PRKDC: variants seen among roughly 807,000 people sequenced by gnomAD.
PRKDC encodes DNA-dependent protein kinase catalytic subunit.
A neutral mutation model predicts 486.9 loss-of-function variants in PRKDC; 82 were observed. The observed-to-expected ratio is 0.17, with a 90% confidence interval of 0.14 to 0.20. The LOEUF (loss-of-function observed/expected upper bound fraction) is 0.20. Ranked by LOEUF, PRKDC falls within the 10% of genes least tolerant of loss-of-function variation. The pLI is 1.00. For missense variants in PRKDC, 4,504 were observed against 5,038.2 expected (o/e 0.89, Z 3.21); for synonymous variants, 1,895 against 1,837.0 (o/e 1.03, Z -0.81).
chr8:47,797,014 T>C (rs149846044), intron 73 of PRKDC, among the ~76,000 whole-genome samples: 1,627 of 152,342 alleles, frequency 0.011, 8 homozygotes, highest in Non-Finnish European at 0.016. Context: ...TGTGTTCACA[T>C]TTTCCTCTGA....
rs184085040 is a variant in PRKDC at position 47,836,188 on chromosome 8, C to T, written c.7951+150G>A. On this transcript the variant is annotated intron_variant, in intron 58 of 85. Transcript: ENST00000314191. ...CATGAGTTTGACTGTTATAGGAACC[C>T]CCTCTTTTGAATGACATCTTCCTTG... The T allele has an allele frequency of 4.6e-5, 36 of 787,352 alleles. No homozygotes were observed. The East Asian group carries it at 8.0e-4, about 17-fold the overall frequency. 48.8% of individuals were successfully genotyped at this position (787,352 alleles called of 1,614,324 possible).
intron 4 of PRKDC, 78 bp downstream of exon 4, chr8:47,955,796 A>G: frequency 8.2e-7 from 1 of 1,214,896 alleles, no homozygotes; most frequent in African/African-American, 1.5e-5. Flanking sequence ...CATCACCCAA[A>G]ACACAACTCA....
intron 21 of PRKDC, among the ~76,000 whole-genome samples, chr8:47,925,672 A>C (rs1453165291): frequency 6.6e-6 from 1 of 152,178 alleles, no homozygotes; most frequent in Non-Finnish European, 1.5e-5. Context: ...GAATGTCCTC[A>C]CTCTTAAGAA....
chr8:47,883,014 C>T (rs766713913), intron 36 of PRKDC, among the ~76,000 whole-genome samples: 5 of 152,230 alleles, frequency 3.3e-5, no homozygotes, highest in Non-Finnish European at 5.9e-5. Flanking sequence ...GGGCCATCCA[C>T]GCCTCTGTGC....
At chr8:47,779,243 C>T (rs1216879645) in intron 80 of PRKDC, 150 bp from the exon 81 acceptor site, 10 of 569,908 alleles carry the variant, frequency 1.8e-5, no homozygotes, top group Non-Finnish European at 3.0e-5. Flanking sequence ...TAACATTGAA[C>T]CCACATTACT....
chr8:47,955,499 A>G (rs1589819309), intron 4 of PRKDC, among the ~76,000 whole-genome samples: 1 of 151,310 alleles, frequency 6.6e-6, no homozygotes, highest in African/African-American at 2.4e-5. Context: ...AAAACATATG[A>G]ACTCTTTCCC....
chr8:47,907,103 C>T (rs1371084494), intron 25 of PRKDC, among the ~76,000 whole-genome samples: 2 of 150,962 alleles, frequency 1.3e-5, no homozygotes, highest in African/African-American at 4.8e-5. Flanking sequence ...CAGTGGCGCG[C>T]AGTCTCTGCT....
At chr8:47,839,990 A>C in intron 55 of PRKDC, 26 bp downstream of exon 55, 3 of 1,498,312 alleles carry the variant, frequency 2.0e-6, no homozygotes, top group Non-Finnish European at 2.7e-6. Context: ...AAAGTAACAA[A>C]ATAAAATAGT....
At position 47,908,633 on chromosome 8, in the gene PRKDC, A is replaced by T. The variant is rs111943034; in HGVS notation, c.2935-3657T>A. 9.1e-3 allele frequency among the ~76,000 whole-genome samples: 1,381 copies of T among 152,308 alleles called. 9 individuals carry two copies. The highest frequency in any genetic ancestry group is 0.015 in the Non-Finnish European group (1,005 of 68,028). ...TTAACAAAACATCTATGCACATGTC[A>T]AGATGTGTTATTATAAAGACATTCT... On this transcript the variant is annotated intron_variant, in intron 25 of 85. Coordinates refer to ENST00000314191, the MANE Select transcript of PRKDC (RefSeq NM_006904.7).
intron 15 of PRKDC, 48 bp from the exon 16 acceptor site, chr8:47,933,220 T>A: frequency 1.4e-6 from 2 of 1,382,202 alleles, no homozygotes; most frequent in Non-Finnish European, 1.9e-6. Flanking sequence ...TGCAAAAATG[T>A]ATTAGTATTT....
chr8:47,858,969 C>G lies in PRKDC; in HGVS notation c.6225G>C (p.Thr2075=), dbSNP rs764734598. The G allele has an allele frequency of 6.2e-7, 1 of 1,613,036 alleles. No homozygotes were observed. Among genetic ancestry groups the G allele is most frequent in the South Asian group, 1.1e-5 (1 of 91,078 alleles). The change falls in exon 47 of 86, where the codon ACG becomes ACC. Residue 2075 remains threonine (T), a synonymous_variant. Transcript: ENST00000314191. ...RFRRREQRDP[T]VHDDVLELEM... is the part of the protein sequence containing the mutation. The stretch of plus-strand genomic sequence containing the variant: ...CCAGCTCCAGCACATCATCATGCAC[C>G]GTGGGGTCCCGCTGCTCCTGCGAAA...
At chr8:47,927,173 C>A in intron 21 of PRKDC, 21 bp downstream of exon 21, 1 of 1,607,522 alleles carries the variant, frequency 6.2e-7, no homozygotes, top group Non-Finnish European at 8.5e-7. Flanking sequence ...CAATACACAT[C>A]ACAATTCTTC....
rs1342379775 is a variant in PRKDC, at chr8:47,864,607, G to A, written c.5520C>T (p.Phe1840=). The A allele has an allele frequency of 1.2e-6, 2 of 1,610,234 alleles. No individual in the cohort carries two copies. Among genetic ancestry groups the A allele is most frequent in the Admixed American group, 3.4e-5 (2 of 59,504 alleles). ...CAATGGCATCCACCACAATTGTGCT[G>A]AAGAATTCTCTCAAAGCATCCAGGC... ...HCSLDALREF[F]STIVVDAIDV... Residue 1840 remains phenylalanine (F), a synonymous_variant, in exon 41 of 86, where the codon TTC becomes TTT. Coordinates refer to ENST00000314191, the MANE Select transcript of PRKDC (RefSeq NM_006904.7).
At chr8:47,854,439 C>T (rs978355600) in intron 50 of PRKDC, among the ~76,000 whole-genome samples, 4 of 152,080 alleles carry the variant, frequency 2.6e-5, no homozygotes, top group African/African-American at 4.8e-5. Flanking sequence ...CCTGGGTTCA[C>T]GCCATTCTCC....
At chr8:47,942,767 A>G (rs8178009) in intron 10 of PRKDC, among the ~76,000 whole-genome samples, 2,127 of 152,324 alleles carry the variant, frequency 0.014, 37 homozygotes, top group African/African-American at 0.04. Flanking sequence ...ATACGCAGGT[A>G]CAGATTCTGT....
intron 54 of PRKDC, among the ~76,000 whole-genome samples, chr8:47,842,621 G>A (rs2088174878): frequency 6.6e-6 from 1 of 151,990 alleles, no homozygotes; most frequent in African/African-American, 2.4e-5. Context: ...AAAAGATAAA[G>A]GAACACCAGC....
intron 40 of PRKDC, among the ~76,000 whole-genome samples, chr8:47,866,673 G>A (rs2154500870): frequency 6.6e-6 from 1 of 152,256 alleles, no homozygotes; most frequent in East Asian, 1.9e-4. Flanking sequence ...GAAAAAATCT[G>A]AATGTTTCAC....
chr8:47,775,364 ATTTTTTTTTTTTTTTTT>A (rs761373021), intron 85 of PRKDC, among the ~76,000 whole-genome samples: 1 of 87,574 alleles, frequency 1.1e-5, no homozygotes, highest in Non-Finnish European at 2.1e-5. Flanking sequence ...TCTTTTGACC[ATTTTTTTTTTTTTTTTT>A]TTTTTTTTGA....
At chr8:47,794,788 C>T (rs375483082) in intron 73 of PRKDC, among the ~76,000 whole-genome samples, 9 of 152,302 alleles carry the variant, frequency 5.9e-5, no homozygotes, top group East Asian at 1.9e-4. Flanking sequence ...TTCCTCCTGG[C>T]GGCTATGTAG....
Sources: allele counts gnomAD v4.1 joint callset (sites outside exome capture counted in the v4.1 genomes callset), GRCh38; gene constraint gnomAD v4.1.1; transcripts MANE v1.5; gene names NCBI Gene and HGNC (gene_info 2026-07-23, HGNC 2026-07-21).